Variants in GALNT9 observed in about 807,000 individuals in gnomAD.
GALNT9 encodes GalNAc transferase 9.
GALNT9 carries 47 observed loss-of-function variants against 63.1 expected under a neutral mutation model. The ratio of observed to expected loss-of-function variants is 0.75; its 90% CI spans 0.59 to 0.95. The LOEUF (loss-of-function observed/expected upper bound fraction) is 0.95. GALNT9 is among the 40% of genes least tolerant of loss of function. GALNT9 has a pLI of 0.00. For synonymous variants in GALNT9, 396 were observed against 365.7 expected, an observed-to-expected ratio of 1.08 and a Z score of -0.94; for missense variants, 829 against 874.8, an observed-to-expected ratio of 0.95 and a Z score of 0.66.
chr12:132,225,269 ACACAACC>A (rs1448723305), intron 6 of GALNT9, among the ~76,000 whole-genome samples: 1 of 111,608 alleles, frequency 9.0e-6, no homozygotes, highest in African/African-American at 3.5e-5. Context: ...CCCACACACC[ACACAACC>A]CACCCCACAC....
At chr12:132,256,780 G>A (rs1003404025) in intron 5 of GALNT9, among the ~76,000 whole-genome samples, 6 of 152,186 alleles carry the variant, frequency 3.9e-5, no homozygotes, top group Admixed American at 6.5e-5. Flanking sequence ...AGCCATGTCC[G>A]AGAGTTGCAT....
chr12:132,313,314 C>T (rs1199862011), intron 1 of GALNT9, among the ~76,000 whole-genome samples: 1 of 150,384 alleles, frequency 6.6e-6, no homozygotes, highest in South Asian at 2.1e-4. Context: ...TCCATTCACA[C>T]ACCAATCCAT....
At chr12:132,240,747 C>A (rs2136899386) in intron 6 of GALNT9, 2 of 455,666 alleles carry the variant, frequency 4.4e-6, no homozygotes, top group South Asian at 1.5e-5. Flanking sequence ...TTACCAGAAC[C>A]TGATCACCAG....
At chr12:132,298,232 T>A (rs187646736) in intron 1 of GALNT9, among the ~76,000 whole-genome samples, 2 of 151,988 alleles carry the variant, frequency 1.3e-5, no homozygotes, top group Admixed American at 1.3e-4. Flanking sequence ...CCCATTCCCA[T>A]GATGACCATT....
intron 6 of GALNT9, chr12:132,240,701 C>T (rs1555236907): frequency 4.4e-6 from 2 of 455,834 alleles, no homozygotes; most frequent in South Asian, 3.1e-5. Flanking sequence ...TTATAATTTA[C>T]CTTATCTTGC....
chr12:132,197,983 G>C (rs371617865), intron 9 of GALNT9, 24 bp from the exon 10 acceptor site: 6 of 1,585,316 alleles, frequency 3.8e-6, no homozygotes, highest in South Asian at 2.2e-5. Context: ...CACCGGGACT[G>C]TGTGTGAGCA....
chr12:132,328,826 T>C, intron 1 of GALNT9, 140 bp downstream of exon 1: 3 of 1,091,224 alleles, frequency 2.7e-6, no homozygotes, highest in Non-Finnish European at 3.7e-6. Context: ...CCGCGGCCCT[T>C]CCCTCTCCTC....
rs368544545 is a variant in GALNT9 at position 132,201,244 on chromosome 12, G to T, written c.1281C>A (p.Phe427Leu). ...GGGCCAGCCTCTCAGACACGTCCCCGAAGTCCACCCCTGGGTTCTGCAAGG... is the reference window on the plus strand; with the variant it reads ...GGGCCAGCCTCTCAGACACGTCCCCTAAGTCCACCCCTGGGTTCTGCAAGG... ...NIPMSNPGVD[F>L]GDVSERLALR... Residue 427 changes from phenylalanine (F) to leucine (L), a missense_variant, in exon 8 of 11, where the codon TTC becomes TTA. Physicochemically the swap from Phe to Leu is conservative, Grantham distance 22 (BLOSUM62 0). Transcript: ENST00000328957. 1 of 1,612,878 alleles carries T rather than the reference G, an allele frequency of 6.2e-7. No individual in the cohort carries two copies. Among genetic ancestry groups the T allele is most frequent in the Admixed American group, 1.7e-5 (1 of 59,946 alleles).
chr12:132,329,039 G>A lies in GALNT9; in HGVS notation c.165C>T (p.Gly55=). Residue 55 remains glycine, a synonymous_variant, in exon 1 of 11, where the codon GGC becomes GGT. Transcript: ENST00000328957. ...RRVRSRHAKV[G]TLGDREAILQ... is the part of the protein sequence containing the mutation. ...GGATGGCCTCACGGTCCCCCAGCGTGCCCACCTTGGCGTGTCGGCTGCGCA... is the reference window on the plus strand; with the variant it reads ...GGATGGCCTCACGGTCCCCCAGCGTACCCACCTTGGCGTGTCGGCTGCGCA... 6.5e-7 allele frequency: 1 copy of A among 1,545,754 alleles called. No homozygotes were observed. Among genetic ancestry groups the A allele is most frequent in the Non-Finnish European group, 8.7e-7 (1 of 1,146,108 alleles).
At chr12:132,213,131 C>A (rs59804218) in intron 6 of GALNT9, among the ~76,000 whole-genome samples, 40 of 30,306 alleles carry the variant, frequency 1.3e-3, no homozygotes, top group East Asian at 6.3e-3. Flanking sequence ...GACACGGAAA[C>A]CCCACCCGGG....
chr12:132,276,959 C>G (rs1355435912), intron 2 of GALNT9, among the ~76,000 whole-genome samples: 4 of 152,120 alleles, frequency 2.6e-5, no homozygotes, highest in Non-Finnish European at 5.9e-5. Context: ...CACACATGTA[C>G]ATACATCTCA....
chr12:132,211,196 G>A (rs1009306713), intron 6 of GALNT9, among the ~76,000 whole-genome samples: 3 of 152,190 alleles, frequency 2.0e-5, no homozygotes, highest in South Asian at 2.1e-4. Flanking sequence ...CAAGCCTCTC[G>A]ACAACTTTTT....
Position 132,203,511 on chromosome 12 carries a change from G to C in GALNT9, c.1257C>G (p.Pro419=). 1 of 1,613,668 alleles carries C rather than the reference G, an allele frequency of 6.2e-7. No individual in the cohort carries two copies. The highest frequency in any genetic ancestry group is 1.3e-5 in the African/African-American group (1 of 75,054). ...KSHVYMAWNI[P]MSNPGVDFGD... Reference sequence around the variant, plus strand: ...CGGCCTGTGGGGGACTCACCGACATGGGGATGTTCCAGGCCATGTACACGT... The same window carrying C: ...CGGCCTGTGGGGGACTCACCGACATCGGGATGTTCCAGGCCATGTACACGT... Residue 419 remains proline, a synonymous_variant, in exon 7 of 11, where the codon CCC becomes CCG. Transcript: ENST00000328957.
intron 6 of GALNT9, among the ~76,000 whole-genome samples, chr12:132,225,985 CACACAT>C (rs1313066405): frequency 2.8e-5 from 4 of 143,410 alleles, no homozygotes; most frequent in East Asian, 2.1e-4. Flanking sequence ...ACACACCCCA[CACACAT>C]ACACCCCACA....
Position 132,202,091 on chromosome 12 carries a change from C to T in GALNT9, c.1264-830G>A, listed in dbSNP as rs190322914. ...GGACAGTCCCCTATCTTCTCTGTGC[C>T]TCAGTTACTCATTGGTAAAGTGGGG... On this transcript the variant is annotated intron_variant, in intron 7 of 10. Transcript: ENST00000328957. Among the ~76,000 whole-genome samples the T allele has an allele frequency of 8.1e-3, 1,227 of 152,362 alleles. 9 individuals carry two copies. Among genetic ancestry groups the T allele is most frequent in the Non-Finnish European group, 0.013 (863 of 68,032 alleles).
intron 1 of GALNT9, among the ~76,000 whole-genome samples, chr12:132,311,912 G>A (rs1440507076): frequency 2.0e-5 from 3 of 152,148 alleles, no homozygotes; most frequent in African/African-American, 7.2e-5. Flanking sequence ...CTATAAAAAT[G>A]TAAACCAATT....
chr12:132,215,897 G>A (rs1385648377), intron 6 of GALNT9, among the ~76,000 whole-genome samples: 2 of 152,012 alleles, frequency 1.3e-5, no homozygotes, highest in Non-Finnish European at 2.9e-5. Context: ...GGGTTGGGGG[G>A]TGCTTCTGGG....
At chr12:132,304,227 A>G (rs1335421922) in intron 1 of GALNT9, among the ~76,000 whole-genome samples, 3 of 30,856 alleles carry the variant, frequency 9.7e-5, no homozygotes, top group Admixed American at 3.9e-4. Context: ...GCACATCCTC[A>G]CCGGGGCACA....
rs149412760 is a variant in GALNT9 at position 132,296,927 on chromosome 12, G to C, written c.239-10497C>G. Among the ~76,000 whole-genome samples, 77 of 150,632 alleles carry C rather than the reference G, an allele frequency of 5.1e-4. No individual in the cohort carries two copies. The highest frequency in any genetic ancestry group is 1.8e-3 in the African/African-American group (74 of 40,906). On this transcript the variant is annotated intron_variant, in intron 1 of 10. Transcript: ENST00000328957. This position sits in a 1 kb window ranked among gnomAD's most constrained non-coding sequence, Gnocchi z 4.2. The stretch of plus-strand genomic sequence containing the variant: ...CTCCCAAGATACCCAACTCACTCCT[G>C]AAATAACAAAGCCACTCCTCAGATA...
Sources: gnomAD v4.1 joint callset for allele counts (sites outside exome capture counted in the v4.1 genomes callset) on GRCh38, gnomAD v4.1.1 for gene constraint, Gnocchi (gnomAD v3.1) non-coding constraint, MANE v1.5 for transcripts, NCBI Gene and HGNC (gene_info 2026-07-23, HGNC 2026-07-21) for gene names.